DCLK2: variants seen among roughly 807,000 people sequenced by gnomAD.
The protein encoded by DCLK2 is doublecortin like kinase 2.
In DCLK2, 31 loss-of-function variants were observed where a neutral mutation model predicts 78.4. That is an observed-to-expected ratio of 0.40 (90% confidence interval 0.30 to 0.53). DCLK2 has a LOEUF of 0.53. DCLK2 is among the 20% of genes least tolerant of loss of function. The pLI is 0.61. For synonymous variants in DCLK2, 407 were observed against 374.9 expected, an observed-to-expected ratio of 1.09 and a Z score of -0.99; for missense variants, 872 against 973.7, an observed-to-expected ratio of 0.90 and a Z score of 1.39.
intron 2 of DCLK2, among the ~76,000 whole-genome samples, chr4:150,121,417 T>A (rs1337903959): frequency 3.9e-5 from 6 of 152,366 alleles, no homozygotes; most frequent in Middle Eastern, 3.4e-3. Flanking sequence ...TCTTTGCTCA[T>A]CCATTAGAAG....
rs1404265733 is a variant in DCLK2 at position 150,175,106 on chromosome 4, A to G, written c.757-18032A>G. Among the ~76,000 whole-genome samples, 3 of 98,808 alleles carry G rather than the reference A, an allele frequency of 3.0e-5. 1 individual carries two copies. The highest frequency in any genetic ancestry group is 5.0e-5 in the African/African-American group (1 of 20,154). The allele number at this position is 98,808 out of a possible 152,430, so 64.8% of individuals were successfully genotyped here. A position where few individuals can be genotyped will look rare whatever the true frequency, so the allele number is the denominator to read the frequency against. On this transcript the variant is annotated intron_variant, in intron 2 of 15. Transcript: ENST00000296550. ...TTTATATATATATTTATATATATTTATATATTTATATTTTTTATATATATA... is the reference window on the plus strand; with the variant it reads ...TTTATATATATATTTATATATATTTGTATATTTATATTTTTTATATATATA...
intron 12 of DCLK2, among the ~76,000 whole-genome samples, chr4:150,240,784 GAAAA>G (rs1180296734): frequency 7.6e-6 from 1 of 132,382 alleles, no homozygotes; most frequent in Non-Finnish European, 1.7e-5. Flanking sequence ...AAAAAAATCA[GAAAA>G]AAAAAATTAC....
chr4:150,196,507 T>C (rs1739041270), intron 3 of DCLK2, among the ~76,000 whole-genome samples: 1 of 152,210 alleles, frequency 6.6e-6, no homozygotes, highest in Admixed American at 6.5e-5. Context: ...CTTGTCAGTT[T>C]ACTGCCCCTG....
At chr4:150,101,173 TG>T (rs1255037991) in intron 1 of DCLK2, among the ~76,000 whole-genome samples, 1 of 152,186 alleles carries the variant, frequency 6.6e-6, no homozygotes, top group Non-Finnish European at 1.5e-5. Context: ...GAGAATCACT[TG>T]AGTCCAGGAG....
At chr4:150,206,424 A>C (rs942188279) in intron 5 of DCLK2, among the ~76,000 whole-genome samples, 3 of 151,980 alleles carry the variant, frequency 2.0e-5, no homozygotes, top group African/African-American at 7.3e-5. Context: ...ATTACTGGTC[A>C]AGATTGAACA....
chr4:150,213,466 T>C (rs1361617402), intron 5 of DCLK2, among the ~76,000 whole-genome samples: 1 of 152,258 alleles, frequency 6.6e-6, no homozygotes, highest in Non-Finnish European at 1.5e-5. Context: ...TGTTCTTGGA[T>C]ACATTCCTAA....
intron 2 of DCLK2, among the ~76,000 whole-genome samples, chr4:150,175,199 A>ATT (rs1560835641): frequency 8.9e-5 from 10 of 112,036 alleles, no homozygotes; most frequent in East Asian, 2.7e-4. Flanking sequence ...ATTTATCTAT[A>ATT]TATATTTATA....
intron 2 of DCLK2, among the ~76,000 whole-genome samples, chr4:150,163,281 C>T (rs534486505): frequency 1.3e-5 from 2 of 152,226 alleles, no homozygotes; most frequent in African/African-American, 4.8e-5. Flanking sequence ...ACCTATAGTT[C>T]CAGCCACTTG....
chr4:150,197,386 T>C (rs1739125234), intron 3 of DCLK2, among the ~76,000 whole-genome samples: 1 of 152,200 alleles, frequency 6.6e-6, no homozygotes, highest in African/African-American at 2.4e-5. Context: ...TGGATGTTTG[T>C]GTGTATGAAG....
intron 7 of DCLK2, among the ~76,000 whole-genome samples, chr4:150,222,857 C>CTGTG (rs1175019268): frequency 6.7e-6 from 1 of 149,556 alleles, no homozygotes; most frequent in Non-Finnish European, 1.5e-5. Context: ...CAGACCAAGA[C>CTGTG]TGTGTCTCAA....
At chr4:150,217,887 A>G (rs1259109337) in intron 5 of DCLK2, among the ~76,000 whole-genome samples, 1 of 152,216 alleles carries the variant, frequency 6.6e-6, no homozygotes, top group East Asian at 1.9e-4. Context: ...CTTGAGGCTT[A>G]ACACCTTTTA....
At chr4:150,245,445 C>T (rs943227497) in intron 12 of DCLK2, among the ~76,000 whole-genome samples, 5 of 152,140 alleles carry the variant, frequency 3.3e-5, no homozygotes, top group South Asian at 2.1e-4. Flanking sequence ...TGTATACATG[C>T]GTCATGCTGG....
chr4:150,091,510 G>A (rs1030316582), intron 1 of DCLK2, among the ~76,000 whole-genome samples: 1 of 151,996 alleles, frequency 6.6e-6, no homozygotes, highest in African/African-American at 2.4e-5. Context: ...TTATCATTAA[G>A]TTCAGTGCTT....
At chr4:150,176,467 C>T (rs1418631830) in intron 2 of DCLK2, among the ~76,000 whole-genome samples, 1 of 152,198 alleles carries the variant, frequency 6.6e-6, no homozygotes, top group Non-Finnish European at 1.5e-5. Flanking sequence ...ATCCACCTGC[C>T]TACGTTCCCA....
rs1265446418 is a variant in DCLK2 at position 150,131,368 on chromosome 4, T to G, written c.756+28556T>G. 3.3e-5 allele frequency among the ~76,000 whole-genome samples: 5 copies of G among 152,272 alleles called. No individual in the cohort carries two copies. In the South Asian group the frequency reaches 1.0e-3, roughly 32 times the overall value. Reference sequence around the variant, plus strand: ...TGAATTACATGTCACAAATTGCTTGTGTGGGAGGTTTTTAAAAAAGTAGAT... The same window carrying G: ...TGAATTACATGTCACAAATTGCTTGGGTGGGAGGTTTTTAAAAAAGTAGAT... On this transcript the variant is annotated intron_variant, in intron 2 of 15. Transcript: ENST00000296550.
intron 1 of DCLK2, among the ~76,000 whole-genome samples, chr4:150,084,755 T>C (rs1489705781): frequency 6.6e-6 from 1 of 152,230 alleles, no homozygotes; most frequent in Non-Finnish European, 1.5e-5. Flanking sequence ...CAGATTCTCT[T>C]GGGCAGTGAT....
At chr4:150,187,332 A>G (rs1002426152) in intron 2 of DCLK2, among the ~76,000 whole-genome samples, 2 of 152,024 alleles carry the variant, frequency 1.3e-5, no homozygotes, top group African/African-American at 4.8e-5. Context: ...CACCCAGCCC[A>G]TTTTATGACT....
At chr4:150,146,981 G>A (rs1393032800) in intron 2 of DCLK2, among the ~76,000 whole-genome samples, 1 of 151,816 alleles carries the variant, frequency 6.6e-6, no homozygotes, top group African/African-American at 2.4e-5. Context: ...TTTTCTGAGG[G>A]TCAATTGAAA....
intron 2 of DCLK2, among the ~76,000 whole-genome samples, chr4:150,104,102 A>C (rs902581690): frequency 6.6e-6 from 1 of 152,122 alleles, no homozygotes; most frequent in Non-Finnish European, 1.5e-5. Flanking sequence ...CCAAAGAAAA[A>C]AATCTAAACT....
Sources: allele counts gnomAD v4.1 joint callset (sites outside exome capture counted in the v4.1 genomes callset), GRCh38; gene constraint gnomAD v4.1.1; transcripts MANE v1.5; gene names NCBI Gene and HGNC (gene_info 2026-07-23, HGNC 2026-07-21).